RGS6: variants seen among roughly 807,000 people sequenced by gnomAD.
RGS6 encodes regulator of G-protein signaling 6.
A neutral mutation model predicts 78.5 loss-of-function variants in RGS6; 30 were observed. The ratio of observed to expected loss-of-function variants is 0.38; its 90% CI spans 0.29 to 0.52. The LOEUF (loss-of-function observed/expected upper bound fraction) is 0.52. Ranked by LOEUF, RGS6 falls within the 20% of genes least tolerant of loss-of-function variation. The pLI is 0.85. For synonymous variants in RGS6, 206 were observed against 206.0 expected (o/e 1.00, Z 0.00); for missense variants, 495 against 609.7 (o/e 0.81, Z 1.98).
At chr14:72,451,780 G>A (rs534834530) in intron 3 of RGS6, among the ~76,000 whole-genome samples, 3 of 151,840 alleles carry the variant, frequency 2.0e-5, no homozygotes, top group Non-Finnish European at 2.9e-5. Flanking sequence ...TTGAGACAGC[G>A]TCTCACTCTG....
chr14:72,210,388 C>T (rs942930873), intron 2 of RGS6, among the ~76,000 whole-genome samples: 1 of 152,088 alleles, frequency 6.6e-6, no homozygotes, highest in Non-Finnish European at 1.5e-5. Context: ...TTCCTTTCAT[C>T]GTCAGATTTG....
intron 2 of RGS6, among the ~76,000 whole-genome samples, chr14:72,098,996 T>C (rs747572945): frequency 1.3e-5 from 2 of 152,208 alleles, no homozygotes; most frequent in African/African-American, 2.4e-5. Context: ...CATGCATCCT[T>C]AGAATTGTAT....
chr14:72,270,990 G>A (rs2059848694), intron 2 of RGS6, among the ~76,000 whole-genome samples: 1 of 152,214 alleles, frequency 6.6e-6, no homozygotes, highest in Non-Finnish European at 1.5e-5. Context: ...AGTCAGTGGG[G>A]TTAAAAAGAT....
the RGS6 span, among the ~76,000 whole-genome samples, chr14:72,617,692 G>A: frequency 6.6e-6 from 1 of 152,176 alleles, no homozygotes; most frequent in African/African-American, 2.4e-5. Flanking sequence ...CTGGCCAAGA[G>A]CAATTAGCCT....
At chr14:72,497,126 T>C (rs1309624957) in intron 13 of RGS6, among the ~76,000 whole-genome samples, 1 of 152,186 alleles carries the variant, frequency 6.6e-6, no homozygotes, top group Non-Finnish European at 1.5e-5. Flanking sequence ...TTCGTAGAAA[T>C]GGTATGCATA....
chr14:72,260,373 A>AC (rs2057922196), intron 2 of RGS6, among the ~76,000 whole-genome samples: 1 of 152,196 alleles, frequency 6.6e-6, no homozygotes, highest in African/African-American at 2.4e-5. Flanking sequence ...CAAAGTTGAA[A>AC]ATGAGTGATA....
the RGS6 span, among the ~76,000 whole-genome samples, chr14:72,602,774 G>A: frequency 6.6e-6 from 1 of 152,046 alleles, no homozygotes; most frequent in East Asian, 1.9e-4. Context: ...ATTTTTAAAC[G>A]GCATAACTAG....
intron 2 of RGS6, among the ~76,000 whole-genome samples, chr14:72,210,618 A>T (rs2043871225): frequency 6.6e-6 from 1 of 152,196 alleles, no homozygotes; most frequent in South Asian, 2.1e-4. Context: ...GGGAGGTAGC[A>T]CTTCCCATTG....
At chr14:72,507,390 C>T (rs1434664068) in intron 13 of RGS6, among the ~76,000 whole-genome samples, 1 of 152,214 alleles carries the variant, frequency 6.6e-6, no homozygotes. Context: ...GGCTCCAGAA[C>T]TGTGAGAGAA....
At chr14:72,221,205 C>T (rs1005337686) in intron 2 of RGS6, among the ~76,000 whole-genome samples, 1 of 152,142 alleles carries the variant, frequency 6.6e-6, no homozygotes, top group Non-Finnish European at 1.5e-5. Context: ...CAATTTTTTA[C>T]ATACCAAAAA....
chr14:72,133,624 T>G (rs2096375701), intron 2 of RGS6, among the ~76,000 whole-genome samples: 1 of 152,186 alleles, frequency 6.6e-6, no homozygotes, highest in South Asian at 2.1e-4. Context: ...CAAGTACTCT[T>G]GCCATTTGGA....
At chr14:72,402,407 A>G (rs1307546854) in intron 3 of RGS6, among the ~76,000 whole-genome samples, 8 of 152,232 alleles carry the variant, frequency 5.3e-5, no homozygotes, top group Non-Finnish European at 1.5e-5. Flanking sequence ...CTGGAAAGAA[A>G]ACAATAAACA....
the RGS6 span, among the ~76,000 whole-genome samples, chr14:71,909,627 A>AAG: frequency 6.7e-6 from 1 of 149,846 alleles, no homozygotes; most frequent in African/African-American, 2.5e-5. Context: ...AGAGGGGGGA[A>AAG]AGAGAGAGAG....
chr14:72,317,509 C>T (rs1342327752), intron 2 of RGS6, among the ~76,000 whole-genome samples: 2 of 152,098 alleles, frequency 1.3e-5, no homozygotes, highest in Non-Finnish European at 2.9e-5. Flanking sequence ...CGAAGGCCTT[C>T]GCAAATTTAC....
chr14:72,041,013 A>G (rs2332711), intron 2 of RGS6, among the ~76,000 whole-genome samples: 17,694 of 152,034 alleles, frequency 0.12, 1,038 homozygotes, highest in East Asian at 0.17. Context: ...CACCCAGTTA[A>G]CTCTTTAAAC....
intron 12 of RGS6, among the ~76,000 whole-genome samples, chr14:72,485,927 T>A (rs1014284356): frequency 1.3e-5 from 2 of 152,216 alleles, no homozygotes; most frequent in African/African-American, 2.4e-5. Flanking sequence ...TATACAACTT[T>A]GATATGGTTT....
At chr14:71,911,541 T>G in the RGS6 span, among the ~76,000 whole-genome samples, 8 of 152,174 alleles carry the variant, frequency 5.3e-5, no homozygotes, top group Non-Finnish European at 1.0e-4. Flanking sequence ...CTTAGGCAAA[T>G]CCTAACACCA....
chr14:72,534,129 C>T (rs2097215514), intron 15 of RGS6, among the ~76,000 whole-genome samples: 1 of 152,230 alleles, frequency 6.6e-6, no homozygotes. Context: ...GTCACCTCGG[C>T]CTTCGGCAAT....
chr14:72,350,056 A>G (rs1317752898), intron 2 of RGS6, among the ~76,000 whole-genome samples: 1 of 152,238 alleles, frequency 6.6e-6, no homozygotes, highest in Non-Finnish European at 1.5e-5. Flanking sequence ...TTTAGGAGAC[A>G]AAGGCCAGCA....
Sources: gnomAD v4.1 joint callset for allele counts (sites outside exome capture counted in the v4.1 genomes callset) on GRCh38, gnomAD v4.1.1 for gene constraint, MANE v1.5 for transcripts, NCBI Gene and HGNC (gene_info 2026-07-23, HGNC 2026-07-21) for gene names.